Variants in ITPR2 observed in about 807,000 individuals in gnomAD.
ITPR2 encodes the protein inositol 1,4,5-trisphosphate-gated calcium channel ITPR2.
ITPR2 carries 207 observed loss-of-function variants against 317.1 expected under a neutral mutation model. That is an observed-to-expected ratio of 0.65 (90% CI 0.58 to 0.73). The LOEUF is 0.73. ITPR2 is among the 30% of genes least tolerant of loss of function. ITPR2 has a pLI of 0.00. For missense variants in ITPR2, 2,613 were observed against 3,284.0 expected, an observed-to-expected ratio of 0.80 and a Z score of 4.99; for synonymous variants, 1,156 against 1,149.1, an observed-to-expected ratio of 1.01 and a Z score of -0.12.
At chr12:26,779,464 G>A (rs1181490260) in intron 2 of ITPR2, among the ~76,000 whole-genome samples, 1 of 152,194 alleles carries the variant, frequency 6.6e-6, no homozygotes, top group Non-Finnish European at 1.5e-5. Flanking sequence ...GGCTCTAGCA[G>A]GTCCTGAAGG....
intron 37 of ITPR2, among the ~76,000 whole-genome samples, chr12:26,545,003 T>C (rs1179241366): frequency 6.6e-6 from 1 of 152,218 alleles, no homozygotes; most frequent in Non-Finnish European, 1.5e-5. Context: ...CAAAGTGCTA[T>C]AGATTCCAAG....
chr12:26,365,313 G>T (rs1034602021), intron 55 of ITPR2, among the ~76,000 whole-genome samples: 2 of 152,182 alleles, frequency 1.3e-5, no homozygotes, highest in Non-Finnish European at 2.9e-5. Context: ...TAAGAGTAGG[G>T]CATTGTATAT....
intron 35 of ITPR2, among the ~76,000 whole-genome samples, chr12:26,560,320 T>A (rs1167293390): frequency 6.6e-6 from 1 of 152,144 alleles, no homozygotes; most frequent in Non-Finnish European, 1.5e-5. Context: ...ATCACTGTAT[T>A]TTCTCTTTTA....
chr12:26,338,464 T>A lies in ITPR2; in HGVS notation c.*933A>T, dbSNP rs996719234. 3 of 152,634 alleles carry A rather than the reference T, an allele frequency of 2.0e-5. No homozygotes were observed. The highest frequency in any genetic ancestry group is 7.2e-5 in the African/African-American group (3 of 41,448). 9.5% of individuals were successfully genotyped at this position (152,634 alleles called of 1,614,324 possible). On this transcript the variant is annotated 3_prime_UTR_variant, in exon 57 of 57. Transcript: ENST00000381340. Reference sequence around the variant, plus strand: ...AGCAATTCTTTAAGCACAGCAAACGTTGAGTCAAATGGCTTTCACTCCATG... The same window carrying A: ...AGCAATTCTTTAAGCACAGCAAACGATGAGTCAAATGGCTTTCACTCCATG...
At chr12:26,828,817 A>T (rs1305263256) in intron 1 of ITPR2, among the ~76,000 whole-genome samples, 2 of 152,226 alleles carry the variant, frequency 1.3e-5, no homozygotes, top group Non-Finnish European at 2.9e-5. Flanking sequence ...CAGTTTTAGC[A>T]TCTTATCTAA....
intron 33 of ITPR2, 105 bp from the exon 34 acceptor site, chr12:26,578,938 C>T (rs899865807): frequency 4.2e-5 from 49 of 1,156,986 alleles, no homozygotes; most frequent in Non-Finnish European, 5.7e-5. Context: ...AAATAAAATA[C>T]AATCTTTCAA....
chr12:26,806,136 G>C (rs1474426328), intron 1 of ITPR2, among the ~76,000 whole-genome samples: 1 of 152,170 alleles, frequency 6.6e-6, no homozygotes, highest in Non-Finnish European at 1.5e-5. Flanking sequence ...GGAAATTTCA[G>C]AGGAGATACA....
intron 2 of ITPR2, among the ~76,000 whole-genome samples, chr12:26,741,564 G>A (rs901714735): frequency 6.6e-6 from 1 of 152,128 alleles, no homozygotes; most frequent in African/African-American, 2.4e-5. Context: ...AAAAAGTCAA[G>A]GCATTACAAA....
intron 45 of ITPR2, among the ~76,000 whole-genome samples, chr12:26,463,394 C>G (rs1305611866): frequency 6.6e-6 from 1 of 152,050 alleles, no homozygotes; most frequent in South Asian, 2.1e-4. Context: ...TGGCCGGGCT[C>G]GGTGGCTCAC....
chr12:26,452,234 A>G (rs1170501719), intron 45 of ITPR2, among the ~76,000 whole-genome samples: 2 of 151,772 alleles, frequency 1.3e-5, no homozygotes, highest in Non-Finnish European at 2.9e-5. Flanking sequence ...TTCCCTTCTG[A>G]AAATCCACCA....
intron 55 of ITPR2, among the ~76,000 whole-genome samples, chr12:26,364,317 G>A (rs979542788): frequency 5.3e-5 from 8 of 152,158 alleles, no homozygotes; most frequent in African/African-American, 1.9e-4. Context: ...ACATCATGAA[G>A]GTAGGGATTT....
intron 55 of ITPR2, among the ~76,000 whole-genome samples, chr12:26,383,569 C>T (rs1163031340): frequency 2.0e-5 from 3 of 151,906 alleles, no homozygotes; most frequent in Non-Finnish European, 4.4e-5. Context: ...CTACAAGCTC[C>T]ACCTCCCAGG....
rs1416078328 is a variant in ITPR2, at chr12:26,550,361, A to G, written c.4965-6T>C. The G allele has an allele frequency of 1.7e-6, 2 of 1,157,620 alleles. No homozygotes were observed. The highest frequency in any genetic ancestry group is 1.8e-5 in the Admixed American group (1 of 55,010). 71.7% of individuals were successfully genotyped at this position (1,157,620 alleles called of 1,614,324 possible). A position where few individuals can be genotyped will look rare whatever the true frequency, so the allele number is the denominator to read the frequency against. ...TCTTTGTATGATTAATCAACCTTAA[A>G]GCAAAACATGAGACCTTTAGAAAGA... On this transcript the variant is annotated splice_region_variant and splice_polypyrimidine_tract_variant and intron_variant, in intron 36 of 56. Transcript: ENST00000381340.
intron 45 of ITPR2, among the ~76,000 whole-genome samples, chr12:26,461,076 T>G (rs957478611): frequency 6.6e-6 from 1 of 152,194 alleles, no homozygotes; most frequent in African/African-American, 2.4e-5. Context: ...CATAGAATGC[T>G]TAAATCACAG....
chr12:26,475,942 A>G (rs1942408016), intron 44 of ITPR2, among the ~76,000 whole-genome samples: 1 of 152,204 alleles, frequency 6.6e-6, no homozygotes, highest in South Asian at 2.1e-4. Context: ...GGCCACAAGG[A>G]GGAAGGGGAT....
intron 3 of ITPR2, 56 bp from the exon 4 acceptor site, chr12:26,724,798 A>C (rs1213274635): frequency 2.4e-6 from 3 of 1,275,992 alleles, no homozygotes; most frequent in Admixed American, 4.4e-5. Context: ...GAGTGTAATA[A>C]CTGACAAAGA....
intron 2 of ITPR2, among the ~76,000 whole-genome samples, chr12:26,782,016 ATATATATATATATATATG>A (rs1481269003): frequency 2.2e-3 from 68 of 30,430 alleles, no homozygotes; most frequent in African/African-American, 4.1e-3. Flanking sequence ...ATATATATAT[ATATATATATATATATATG>A]TATAGAGAGA....
At chr12:26,795,722 G>C (rs1419774420) in intron 1 of ITPR2, among the ~76,000 whole-genome samples, 2 of 152,142 alleles carry the variant, frequency 1.3e-5, no homozygotes, top group Non-Finnish European at 2.9e-5. Flanking sequence ...GGTGGTTCAG[G>C]CCTGCAATCC....
intron 32 of ITPR2, among the ~76,000 whole-genome samples, chr12:26,591,181 C>G (rs558555670): frequency 6.6e-6 from 1 of 151,832 alleles, no homozygotes; most frequent in East Asian, 1.9e-4. Flanking sequence ...TACAAACTGT[C>G]CATCTGGCAA....
Sources: gnomAD v4.1 joint callset for allele counts (sites outside exome capture counted in the v4.1 genomes callset) on GRCh38, gnomAD v4.1.1 for gene constraint, MANE v1.5 for transcripts, NCBI Gene and HGNC (gene_info 2026-07-23, HGNC 2026-07-21) for gene names.